PPP1R7: variants seen among roughly 807,000 people sequenced by gnomAD.
The protein encoded by PPP1R7 is protein phosphatase 1 regulatory subunit 22.
Under a neutral mutation model 45.2 loss-of-function variants are expected in PPP1R7, and 18 were observed. That is an observed-to-expected ratio of 0.40 (90% CI 0.28 to 0.59). The LOEUF is 0.59. PPP1R7 is among the 20% of genes least tolerant of loss of function. The probability of loss-of-function intolerance (pLI) is 0.46; values close to 1 mark genes in which losing one functional copy is unlikely to be tolerated. For synonymous variants in PPP1R7, 181 were observed against 183.4 expected (o/e 0.99, Z 0.11); for missense variants, 314 against 455.8 (o/e 0.69, Z 2.83).
In PPP1R7 at chr2:241,157,905, C is replaced by G. The variant is rs771162224; in HGVS notation, c.237+43C>G. The G allele has an allele frequency of 5.7e-6, 9 of 1,570,890 alleles. No homozygotes were observed. The South Asian group carries it at 1.0e-4, about 17-fold the overall frequency. On this transcript the variant is annotated intron_variant, in intron 3 of 9. Transcript: ENST00000234038. ...GCCCAGCCTTGGGCGTGGTGATGGA[C>G]CACCCTGTCAGGTTATCTTGTATGA...
chr2:241,160,253 C>T (rs1212142209), intron 5 of PPP1R7, 79 bp from the exon 6 acceptor site: 1 of 1,255,894 alleles, frequency 8.0e-7, no homozygotes, highest in African/African-American at 1.5e-5. Flanking sequence ...GGGGACGCCA[C>T]CTTTAGTGGT....
chr2:241,152,612 G>A (rs6738330), intron 1 of PPP1R7, among the ~76,000 whole-genome samples: 116,941 of 152,170 alleles, frequency 0.77, 45,130 homozygotes, highest in East Asian at 0.92. Flanking sequence ...CAAAGATGAA[G>A]TTGAACTTTT....
intron 9 of PPP1R7, among the ~76,000 whole-genome samples, chr2:241,182,055 A>C (rs542014827): frequency 6.6e-6 from 1 of 151,824 alleles, no homozygotes; most frequent in Non-Finnish European, 1.5e-5. Flanking sequence ...GGTCCCTCCA[A>C]CTGGGCATGG....
At chr2:241,182,240 T>A (rs1448753563) in intron 9 of PPP1R7, among the ~76,000 whole-genome samples, 1 of 152,234 alleles carries the variant, frequency 6.6e-6, no homozygotes, top group Non-Finnish European at 1.5e-5. Flanking sequence ...GCGGCCTCTG[T>A]CTGCTGTGTC....
chr2:241,166,370 A>G lies in PPP1R7; in HGVS notation c.748A>G (p.Asn250Asp). ...GCTGACCAAGATCGAGGGTCTGCAG[A>G]ACCTGGTGAACCTGCGGGAGCTGTA... ...NRLTKIEGLQ[N>D]LVNLRELYLS... The change falls in exon 8 of 10, where the codon AAC (asparagine) becomes GAC (aspartate). Residue 250 changes from asparagine (N) to aspartate (D), a missense_variant. By Grantham distance (23) the Asn-to-Asp change is conservative. Coordinates refer to ENST00000234038, the MANE Select transcript of PPP1R7 (RefSeq NM_002712.3). 1 of 1,614,066 alleles carries G rather than the reference A, an allele frequency of 6.2e-7. No individual in the cohort carries two copies. The highest frequency in any genetic ancestry group is 1.1e-5 in the South Asian group (1 of 91,076).
chr2:241,164,745 A>T (rs1401732327), intron 7 of PPP1R7, among the ~76,000 whole-genome samples: 1 of 152,042 alleles, frequency 6.6e-6, no homozygotes, highest in East Asian at 1.9e-4. Context: ...AAAAAATTAA[A>T]AATATAAAAA....
In PPP1R7 at chr2:241,150,510, C is replaced by G. The variant is rs936675047; in HGVS notation, c.15C>G (p.Arg5=). Residue 5 remains arginine (R), a synonymous_variant, in exon 1 of 10, where the codon CGC becomes CGG. Transcript: ENST00000234038. MAAE[R]GAGQQQSQEM... ...GAGCAGCCAACATGGCGGCGGAACGCGGCGCGGGGCAGCAACAGTCGCAGG... is the reference window on the plus strand; with the variant it reads ...GAGCAGCCAACATGGCGGCGGAACGGGGCGCGGGGCAGCAACAGTCGCAGG... 8 of 1,597,382 alleles carry G rather than the reference C, an allele frequency of 5.0e-6. No homozygotes were observed. In the African/African-American group the frequency reaches 6.9e-5, roughly 14 times the overall value.
chr2:241,167,013 T>C (rs758853387), intron 8 of PPP1R7: 1 of 1,601,742 alleles, frequency 6.2e-7, no homozygotes, highest in East Asian at 2.2e-5. Context: ...CTGTTCATGC[T>C]CCTCCCTCCC....
intron 2 of PPP1R7, among the ~76,000 whole-genome samples, chr2:241,156,409 G>A (rs945031467): frequency 1.3e-5 from 2 of 152,242 alleles, no homozygotes; most frequent in African/African-American, 4.8e-5. Flanking sequence ...AGTGGCTCGT[G>A]CCTATAATCC....
chr2:241,166,781 A>G (rs543373117), intron 8 of PPP1R7, among the ~76,000 whole-genome samples: 33 of 152,172 alleles, frequency 2.2e-4, no homozygotes, highest in African/African-American at 7.2e-4. Context: ...GCAAGATTTG[A>G]AAAAAACAAA....
intron 1 of PPP1R7, among the ~76,000 whole-genome samples, chr2:241,152,761 T>C (rs1011764777): frequency 6.6e-6 from 1 of 152,140 alleles, no homozygotes; most frequent in African/African-American, 2.4e-5. Context: ...AGTAAAGTTA[T>C]AAAAAAGAAA....
At chr2:241,156,873 C>T (rs113308780) in intron 2 of PPP1R7, among the ~76,000 whole-genome samples, 38 of 151,918 alleles carry the variant, frequency 2.5e-4, no homozygotes, top group Non-Finnish European at 4.0e-4. Flanking sequence ...GGTGAGTGTG[C>T]GTGTTTGTGT....
chr2:241,161,565 G>A (rs187508810), intron 6 of PPP1R7, among the ~76,000 whole-genome samples: 12 of 152,324 alleles, frequency 7.9e-5, no homozygotes, highest in East Asian at 3.9e-4. Flanking sequence ...CCTGGACACC[G>A]TCCCCAGCAG....
At position 241,167,524 on chromosome 2, in the gene PPP1R7, G is replaced by A. The variant is rs532103168; in HGVS notation, c.819+1083G>A. Among the ~76,000 whole-genome samples the A allele has an allele frequency of 3.7e-4, 56 of 152,326 alleles. No homozygotes were observed. In the South Asian group the frequency reaches 4.6e-3, roughly 12 times the overall value. On this transcript the variant is annotated intron_variant, in intron 8 of 9. Transcript: ENST00000234038. ...CTGGGGTTGGGGCCGGGTGGGGTGC[G>A]CAGCAGGGAGCCCTGGTGCCCTCCT... is the stretch of plus-strand genomic sequence containing the variant.
rs150010668 is a variant in PPP1R7 at position 241,158,034 on chromosome 2, A to G, written c.237+172A>G. ...ACCAGTGATTGTTATCCCCATGTCT[A>G]TTCGACCCTTGAGGATTGTGTGGCA... is the stretch of plus-strand genomic sequence containing the variant. On this transcript the variant is annotated intron_variant, in intron 3 of 9. Transcript: ENST00000234038. Among the ~76,000 whole-genome samples, 40 of 152,254 alleles carry G rather than the reference A, an allele frequency of 2.6e-4. No individual in the cohort carries two copies. The East Asian group carries it at 5.0e-3, about 19-fold the overall frequency.
intron 9 of PPP1R7, 125 bp from the exon 10 acceptor site, chr2:241,182,522 C>T: frequency 2.5e-6 from 3 of 1,193,760 alleles, no homozygotes; most frequent in East Asian, 4.9e-5. Flanking sequence ...CATGAGGTGC[C>T]AGGGAAGACC....
chr2:241,176,837 A>G (rs1186843776), intron 9 of PPP1R7, among the ~76,000 whole-genome samples: 2 of 152,238 alleles, frequency 1.3e-5, no homozygotes, highest in African/African-American at 4.8e-5. Context: ...GACTCATAGA[A>G]TGCAGCTGCA....
intron 1 of PPP1R7, chr2:241,151,488 G>A (rs1462559019): frequency 1.1e-5 from 5 of 471,134 alleles, no homozygotes; most frequent in Admixed American, 9.4e-5. Context: ...AAGGCAACGA[G>A]GTTGGGGATA....
At chr2:241,151,122 A>G (rs964834318) in intron 1 of PPP1R7, among the ~76,000 whole-genome samples, 2 of 152,240 alleles carry the variant, frequency 1.3e-5, no homozygotes, top group Non-Finnish European at 2.9e-5. Flanking sequence ...GGAAAAAAAA[A>G]CCACATGCAT....
Sources: gnomAD v4.1 joint callset for allele counts (sites outside exome capture counted in the v4.1 genomes callset) on GRCh38, gnomAD v4.1.1 for gene constraint, MANE v1.5 for transcripts, NCBI Gene and HGNC (gene_info 2026-07-23, HGNC 2026-07-21) for gene names.